CACNA2D2: variants seen among roughly 807,000 people sequenced by gnomAD.
CACNA2D2 encodes the protein voltage-dependent calcium channel subunit alpha-2/delta-2.
A neutral mutation model predicts 166.4 loss-of-function variants in CACNA2D2; 48 were observed. That is an observed-to-expected ratio of 0.29 (90% CI 0.23 to 0.37). The LOEUF is 0.37. Ranked by LOEUF, CACNA2D2 falls within the 10% of genes least tolerant of loss-of-function variation. The pLI, the probability that CACNA2D2 is intolerant of heterozygous loss-of-function variation, is 1.00. For synonymous variants in CACNA2D2, 561 were observed against 573.7 expected, an observed-to-expected ratio of 0.98 and a Z score of 0.32; for missense variants, 1,122 against 1,433.0, an observed-to-expected ratio of 0.78 and a Z score of 3.50.
At chr3:50,392,890 C>G (rs1385281226) in intron 4 of CACNA2D2, among the ~76,000 whole-genome samples, 3 of 152,178 alleles carry the variant, frequency 2.0e-5, no homozygotes, top group Non-Finnish European at 2.9e-5. Context: ...GTAACTAGCT[C>G]ATTCATTTGT....
chr3:50,488,844 C>A (rs145764797), intron 1 of CACNA2D2, among the ~76,000 whole-genome samples: 2 of 151,992 alleles, frequency 1.3e-5, no homozygotes, highest in Non-Finnish European at 2.9e-5. Flanking sequence ...GGACTACGGG[C>A]GCCCACCACC....
intron 2 of CACNA2D2, among the ~76,000 whole-genome samples, chr3:50,464,876 G>C (rs1709762370): frequency 6.6e-6 from 1 of 152,262 alleles, no homozygotes; most frequent in Admixed American, 6.5e-5. Context: ...GAACTGGGCT[G>C]CAAGGCTGCT....
chr3:50,381,682 C>T (rs1705322667), intron 6 of CACNA2D2, among the ~76,000 whole-genome samples: 1 of 152,030 alleles, frequency 6.6e-6, no homozygotes, highest in Admixed American at 6.6e-5. Context: ...CAGGGGCATG[C>T]CAGATCCTGC....
chr3:50,484,725 A>G (rs1698205201), intron 1 of CACNA2D2, among the ~76,000 whole-genome samples: 1 of 152,178 alleles, frequency 6.6e-6, no homozygotes, highest in African/African-American at 2.4e-5. Flanking sequence ...CTAGTATTCC[A>G]TCAGACATCC....
chr3:50,378,244 G>A (rs1228940708), intron 14 of CACNA2D2, 40 bp downstream of exon 14: 2 of 1,555,082 alleles, frequency 1.3e-6, no homozygotes, highest in Middle Eastern at 1.7e-4. Flanking sequence ...TCCCTGCAGG[G>A]AAGCCAGGGG....
chr3:50,367,962 T>G lies in CACNA2D2; in HGVS notation c.2144-60A>C. ...TCTTCTTGCAGCTCCTTGCCCACCC[T>G]CACCCCCACCCTTAAGGCTCCACCA... On this transcript the variant is annotated intron_variant, in intron 24 of 37. Coordinates refer to ENST00000424201, the MANE Select transcript of CACNA2D2 (RefSeq NM_006030.4). The surrounding 1 kb of genome is among the most constrained non-coding windows in gnomAD (Gnocchi z 6.5). 1.3e-5 allele frequency: 15 copies of G among 1,111,566 alleles called. No individual in the cohort carries two copies. The highest frequency in any genetic ancestry group is 9.0e-5 in the East Asian group (3 of 33,282). 68.9% of individuals were successfully genotyped at this position (1,111,566 alleles called of 1,614,324 possible).
At chr3:50,484,752 G>C (rs9853639) in intron 1 of CACNA2D2, among the ~76,000 whole-genome samples, 6,423 of 152,314 alleles carry the variant, frequency 0.042, 442 homozygotes, top group African/African-American at 0.15. Flanking sequence ...TTGCTTGTTA[G>C]CCTCTGCCTT....
chr3:50,432,450 A>AG (rs1708117512), intron 3 of CACNA2D2, among the ~76,000 whole-genome samples: 1 of 152,220 alleles, frequency 6.6e-6, no homozygotes, highest in South Asian at 2.1e-4. Flanking sequence ...TAAACTGGAC[A>AG]GGGGGCAGCA....
In CACNA2D2 at chr3:50,376,326, C is replaced by T; in HGVS notation, c.1627-138G>A. 1 of 899,842 alleles carries T rather than the reference C, an allele frequency of 1.1e-6. No homozygotes were observed. The highest frequency in any genetic ancestry group is 1.7e-6 in the Non-Finnish European group (1 of 588,362). The allele number at this position is 899,842 out of a possible 1,614,324, so 55.7% of individuals were successfully genotyped here. On this transcript the variant is annotated intron_variant, in intron 17 of 37. Transcript: ENST00000424201. This position sits in a 1 kb window ranked among gnomAD's most constrained non-coding sequence, Gnocchi z 4.3. Reference sequence around the variant, plus strand: ...CCTTGGGCTAAGGGCCCCCCCATGCCACGTGGCCCTAAGCCTGTCTCTCCA... The same window carrying T: ...CCTTGGGCTAAGGGCCCCCCCATGCTACGTGGCCCTAAGCCTGTCTCTCCA...
At chr3:50,486,454 G>GT (rs1317433614) in intron 1 of CACNA2D2, among the ~76,000 whole-genome samples, 1 of 151,776 alleles carries the variant, frequency 6.6e-6, no homozygotes, top group African/African-American at 2.4e-5. Context: ...GCTGTCCTCT[G>GT]TATGAGTCCT....
At chr3:50,450,472 T>C (rs1040050813) in intron 2 of CACNA2D2, among the ~76,000 whole-genome samples, 7 of 151,820 alleles carry the variant, frequency 4.6e-5, no homozygotes, top group African/African-American at 1.7e-4. Flanking sequence ...GAAATGAATC[T>C]CGAATCTTAA....
At chr3:50,500,925 TA>T (rs1037838545) in intron 1 of CACNA2D2, among the ~76,000 whole-genome samples, 8 of 152,104 alleles carry the variant, frequency 5.3e-5, no homozygotes, top group Non-Finnish European at 1.2e-4. Context: ...CACACTTGCT[TA>T]AAATCCAGCA....
chr3:50,381,167 T>C, intron 6 of CACNA2D2, 41 bp from the exon 7 acceptor site: 1 of 1,610,152 alleles, frequency 6.2e-7, no homozygotes, highest in Non-Finnish European at 8.5e-7. Flanking sequence ...GCACCTGGGC[T>C]GTGTCCTGTC....
intron 2 of CACNA2D2, among the ~76,000 whole-genome samples, chr3:50,462,430 A>AATAATGATG (rs879341559): frequency 7.0e-6 from 1 of 141,948 alleles, no homozygotes; most frequent in East Asian, 2.1e-4. Flanking sequence ...TAATAATAAT[A>AATAATGATG]ATGATAATAA....
At chr3:50,486,787 A>G (rs535944810) in intron 1 of CACNA2D2, among the ~76,000 whole-genome samples, 3 of 152,340 alleles carry the variant, frequency 2.0e-5, no homozygotes, top group South Asian at 4.1e-4. Context: ...TACAGAGCTT[A>G]GCCTGGAGCC....
chr3:50,484,734 C>A (rs1038584803), intron 1 of CACNA2D2, among the ~76,000 whole-genome samples: 1 of 152,248 alleles, frequency 6.6e-6, no homozygotes, highest in African/African-American at 2.4e-5. Flanking sequence ...CATCAGACAT[C>A]CTCCCTCTTG....
Position 50,367,619 on chromosome 3 carries a change from G to A in CACNA2D2, c.2297+23C>T. 1 of 1,610,800 alleles carries A rather than the reference G, an allele frequency of 6.2e-7. No individual in the cohort carries two copies. Among genetic ancestry groups the A allele is most frequent in the Non-Finnish European group, 8.5e-7 (1 of 1,177,490 alleles). ...AGGTTCCCTGGCAGGGGCAGGGTTT[G>A]GGTAGTGGGATAGGTCACTTACTTG... On this transcript the variant is annotated intron_variant, in intron 26 of 37. Transcript: ENST00000424201. This position sits in a 1 kb window ranked among gnomAD's most constrained non-coding sequence, Gnocchi z 6.5.
chr3:50,461,961 G>A (rs994882824), intron 2 of CACNA2D2, among the ~76,000 whole-genome samples: 1 of 152,212 alleles, frequency 6.6e-6, no homozygotes, highest in African/African-American at 2.4e-5. Context: ...AAGGTGGAAG[G>A]CTCTGGGCAG....
intron 22 of CACNA2D2, among the ~76,000 whole-genome samples, chr3:50,370,803 G>A (rs1389173280): frequency 3.3e-5 from 5 of 152,120 alleles, no homozygotes; most frequent in South Asian, 4.1e-4. Flanking sequence ...GGAAAAAACC[G>A]CATGCTGAGC....
Sources: gnomAD v4.1 joint callset for allele counts (sites outside exome capture counted in the v4.1 genomes callset) on GRCh38, gnomAD v4.1.1 for gene constraint, Gnocchi (gnomAD v3.1) non-coding constraint, MANE v1.5 for transcripts, NCBI Gene and HGNC (gene_info 2026-07-23, HGNC 2026-07-21) for gene names.